MSI2: variants seen among roughly 807,000 people sequenced by gnomAD.
MSI2 encodes musashi RNA binding protein 2.
Under a neutral mutation model 45.6 loss-of-function variants are expected in MSI2, and 17 were observed. The observed-to-expected ratio is 0.37, with a 90% CI of 0.26 to 0.56. The LOEUF is 0.56. Ranked by LOEUF, MSI2 falls within the 20% of genes least tolerant of loss-of-function variation. The pLI is 0.77. For missense variants in MSI2, 293 were observed against 444.2 expected (o/e 0.66, Z 3.06); for synonymous variants, 156 against 158.2 (o/e 0.99, Z 0.11).
chr17:57,340,702 C>A (rs943732674), intron 5 of MSI2, among the ~76,000 whole-genome samples: 1 of 152,144 alleles, frequency 6.6e-6, no homozygotes, highest in Non-Finnish European at 1.5e-5. Context: ...CAGGTAGACA[C>A]TTGAGTCTTG....
At chr17:57,413,816 A>G (rs2084241880) in intron 6 of MSI2, among the ~76,000 whole-genome samples, 1 of 152,036 alleles carries the variant, frequency 6.6e-6, no homozygotes, top group South Asian at 2.1e-4. Flanking sequence ...TCGATCTTGA[A>G]AAGCTCCGCA....
At chr17:57,509,944 ACAAT>A (rs1429289970) in intron 6 of MSI2, among the ~76,000 whole-genome samples, 1 of 152,014 alleles carries the variant, frequency 6.6e-6, no homozygotes, top group African/African-American at 2.4e-5. Context: ...TGATTGTGCC[ACAAT>A]CAGTCACTGC....
chr17:57,651,364 T>G (rs1377686899), intron 10 of MSI2, among the ~76,000 whole-genome samples: 2 of 151,630 alleles, frequency 1.3e-5, no homozygotes, highest in Non-Finnish European at 2.9e-5. Flanking sequence ...ACATCTAAAT[T>G]CCCACAATTG....
intron 5 of MSI2, among the ~76,000 whole-genome samples, chr17:57,287,825 G>A (rs548981456): frequency 1.3e-5 from 2 of 152,342 alleles, no homozygotes; most frequent in South Asian, 2.1e-4. Context: ...ATGCCATTGT[G>A]CGTAAGGAGT....
chr17:57,389,773 T>C (rs1032471238), intron 5 of MSI2, among the ~76,000 whole-genome samples: 3 of 152,246 alleles, frequency 2.0e-5, no homozygotes, highest in Non-Finnish European at 4.4e-5. Flanking sequence ...TTAAAATAAT[T>C]TGATGCTTAC....
intron 7 of MSI2, among the ~76,000 whole-genome samples, chr17:57,557,454 A>G (rs1385724143): frequency 6.6e-6 from 1 of 152,220 alleles, no homozygotes. Context: ...ATGCATAACA[A>G]GTTTGGAATG....
At chr17:57,678,147 C>T (rs777441791) in intron 13 of MSI2, among the ~76,000 whole-genome samples, 5 of 152,216 alleles carry the variant, frequency 3.3e-5, no homozygotes, top group Admixed American at 6.5e-5. Flanking sequence ...AGAGGGATTG[C>T]TCCTGGCTCC....
intron 7 of MSI2, among the ~76,000 whole-genome samples, chr17:57,589,557 C>G (rs531002777): frequency 6.6e-6 from 1 of 152,102 alleles, no homozygotes; most frequent in South Asian, 2.1e-4. Flanking sequence ...GGGGACAGCC[C>G]GAGGTGTGGG....
At chr17:57,567,051 G>T (rs2087751101) in intron 7 of MSI2, among the ~76,000 whole-genome samples, 1 of 152,184 alleles carries the variant, frequency 6.6e-6, no homozygotes, top group Non-Finnish European at 1.5e-5. Flanking sequence ...TGGGAGGTTT[G>T]GGGGACAAAT....
chr17:57,625,248 G>A (rs1452621008), intron 9 of MSI2, among the ~76,000 whole-genome samples: 1 of 152,206 alleles, frequency 6.6e-6, no homozygotes, highest in Non-Finnish European at 1.5e-5. Flanking sequence ...CCAGAGGCAG[G>A]ACTGGAACCC....
chr17:57,401,549 G>C (rs1049626694), intron 6 of MSI2, 78 bp downstream of exon 6: 120 of 1,109,244 alleles, frequency 1.1e-4, no homozygotes, highest in Non-Finnish European at 1.4e-4. Flanking sequence ...CGTGGCCCCC[G>C]CCCCTGCTAC....
In MSI2 at chr17:57,529,589, AC is replaced by A. The variant is rs537662479; in HGVS notation, c.406-82del. On this transcript the variant is annotated intron_variant, in intron 6 of 13. Coordinates refer to ENST00000284073, the MANE Select transcript of MSI2 (RefSeq NM_138962.4). This position sits in a 1 kb window ranked among gnomAD's most constrained non-coding sequence, Gnocchi z 5.3. ...AACTATTACTTCTGTAATGGAAACT[AC>A]CCCCTCACCCCCCGACATGCATATA... 1,021 of 1,179,194 alleles carry A rather than the reference AC, an allele frequency of 8.7e-4. 2 individuals are homozygous for A. The highest frequency in any genetic ancestry group is 2.2e-3 in the Admixed American group (113 of 52,376). The allele number at this position is 1,179,194 out of a possible 1,614,324, so 73.0% of individuals were successfully genotyped here.
At chr17:57,551,452 C>G (rs2087302781) in intron 7 of MSI2, among the ~76,000 whole-genome samples, 1 of 152,086 alleles carries the variant, frequency 6.6e-6, no homozygotes, top group Admixed American at 6.5e-5. Context: ...GTGGAGAAGG[C>G]ACACAGACCG....
At chr17:57,508,835 G>C (rs555191100) in intron 6 of MSI2, among the ~76,000 whole-genome samples, 1 of 152,354 alleles carries the variant, frequency 6.6e-6, no homozygotes, top group East Asian at 1.9e-4. Flanking sequence ...GCTGGATAAA[G>C]TGCTGAAGGA....
intron 8 of MSI2, among the ~76,000 whole-genome samples, chr17:57,609,588 C>T (rs750003948): frequency 6.6e-6 from 1 of 152,232 alleles, no homozygotes; most frequent in African/African-American, 2.4e-5. Flanking sequence ...GCCCCAAGGC[C>T]GCGTGCTGAC....
intron 5 of MSI2, among the ~76,000 whole-genome samples, chr17:57,341,020 G>A (rs1163568582): frequency 1.3e-5 from 2 of 152,172 alleles, no homozygotes; most frequent in Non-Finnish European, 2.9e-5. Flanking sequence ...CTCAAGTGCA[G>A]GTCCATGTAG....
chr17:57,521,567 G>A (rs1190842831), intron 6 of MSI2, among the ~76,000 whole-genome samples: 4 of 152,164 alleles, frequency 2.6e-5, no homozygotes, highest in African/African-American at 9.7e-5. Context: ...GAGGCAAGGA[G>A]TGCCTGCTCC....
At chr17:57,290,995 G>C (rs918035059) in intron 5 of MSI2, among the ~76,000 whole-genome samples, 1 of 152,204 alleles carries the variant, frequency 6.6e-6, no homozygotes, top group African/African-American at 2.4e-5. Flanking sequence ...TGGGTGTCAG[G>C]TCCTGGCTGC....
intron 6 of MSI2, among the ~76,000 whole-genome samples, chr17:57,480,364 A>G (rs1425323127): frequency 1.3e-5 from 2 of 152,252 alleles, no homozygotes; most frequent in Non-Finnish European, 2.9e-5. Flanking sequence ...CAATGTAACC[A>G]TTAAAAACAA....
Sources: gnomAD v4.1 joint callset for allele counts (sites outside exome capture counted in the v4.1 genomes callset) on GRCh38, gnomAD v4.1.1 for gene constraint, Gnocchi (gnomAD v3.1) non-coding constraint, MANE v1.5 for transcripts, NCBI Gene and HGNC (gene_info 2026-07-23, HGNC 2026-07-21) for gene names.